Variants in MYCBP2 observed in about 807,000 individuals in gnomAD.
MYCBP2 encodes the protein MYC binding protein 2.
MYCBP2 carries 120 observed loss-of-function variants against 525.3 expected under a neutral mutation model. The ratio of observed to expected loss-of-function variants is 0.23; its 90% CI spans 0.20 to 0.27. MYCBP2 has a LOEUF of 0.27. Ranked by LOEUF, MYCBP2 falls within the 10% of genes least tolerant of loss-of-function variation. The pLI is 1.00. For synonymous variants in MYCBP2, 1,894 were observed against 1,955.8 expected, an observed-to-expected ratio of 0.97 and a Z score of 0.83; for missense variants, 4,149 against 5,657.1, an observed-to-expected ratio of 0.73 and a Z score of 8.55.
chr13:77,109,257 G>A (rs2039872), intron 55 of MYCBP2, among the ~76,000 whole-genome samples: 14,102 of 152,108 alleles, frequency 0.093, 830 homozygotes, highest in African/African-American at 0.16. Context: ...TCTCAAGATG[G>A]AACTGCTCCA....
chr13:77,254,113 G>A (rs1321374294), intron 14 of MYCBP2, among the ~76,000 whole-genome samples: 2 of 150,076 alleles, frequency 1.3e-5, no homozygotes, highest in South Asian at 2.1e-4. Flanking sequence ...AGAATGATGA[G>A]AAAAAAAAAT....
At chr13:77,102,141 T>C (rs1163697419) in intron 55 of MYCBP2, among the ~76,000 whole-genome samples, 1 of 151,858 alleles carries the variant, frequency 6.6e-6, no homozygotes, top group African/African-American at 2.4e-5. Context: ...CATTTTTTCA[T>C]GCCCAAATCT....
At chr13:77,148,219 G>A (rs115217924) in intron 47 of MYCBP2, among the ~76,000 whole-genome samples, 245 of 151,742 alleles carry the variant, frequency 1.6e-3, no homozygotes, top group African/African-American at 5.6e-3. Flanking sequence ...TATTTATTTC[G>A]GATATAGAAT....
At chr13:77,269,909 A>T in intron 7 of MYCBP2, 83 bp downstream of exon 7, 1 of 988,916 alleles carries the variant, frequency 1.0e-6, no homozygotes, top group South Asian at 1.4e-5. Flanking sequence ...GTTTAAATAG[A>T]AGTGATATTA....
In MYCBP2 at chr13:77,210,482, G is replaced by A. The variant is rs140361083; in HGVS notation, c.3416+685C>T. 2.2e-4 allele frequency among the ~76,000 whole-genome samples: 34 copies of A among 152,138 alleles called. 1 individual carries two copies. The highest frequency in any genetic ancestry group is 3.4e-3 in the Middle Eastern group (1 of 294). On this transcript the variant is annotated intron_variant, in intron 23 of 82. Coordinates refer to ENST00000544440, the MANE Select transcript of MYCBP2 (RefSeq NM_015057.5). ...GCTGGGATTACAGGCGTGAGCCACC[G>A]CACCCGGCCCAGCACCACAATAAAT...
At chr13:77,180,510 G>T (rs769799723) in intron 33 of MYCBP2, among the ~76,000 whole-genome samples, 192 bp from the exon 34 acceptor site, 1 of 152,160 alleles carries the variant, frequency 6.6e-6, no homozygotes, top group Non-Finnish European at 1.5e-5. Context: ...CTGTCTCTGC[G>T]TATCAAAGTA....
intron 55 of MYCBP2, among the ~76,000 whole-genome samples, chr13:77,111,370 C>CAA (rs1225670110): frequency 1.3e-5 from 2 of 151,090 alleles, no homozygotes; most frequent in Non-Finnish European, 2.9e-5. Context: ...TATTACCTTT[C>CAA]AAAACAGAGC....
At position 77,297,148 on chromosome 13, in the gene MYCBP2, T is replaced by G. The variant is rs1044095653; in HGVS notation, c.303-474A>C. ...GTCTCCAGCAGCCAGTCTGGATACT[T>G]CATTATCACATAGTCCTAAGACCAA... On this transcript the variant is annotated intron_variant, in intron 1 of 82. Coordinates refer to ENST00000544440, the MANE Select transcript of MYCBP2 (RefSeq NM_015057.5). Among the ~76,000 whole-genome samples the G allele has an allele frequency of 3.7e-4, 57 of 152,210 alleles. 3 individuals carry two copies. The highest frequency in any genetic ancestry group is 1.5e-4 in the Non-Finnish European group (10 of 68,024).
chr13:77,219,693 T>A (rs1373825947), intron 20 of MYCBP2, among the ~76,000 whole-genome samples: 1 of 152,024 alleles, frequency 6.6e-6, no homozygotes, highest in Non-Finnish European at 1.5e-5. Flanking sequence ...GCTGAATAAT[T>A]TCTTACATCT....
intron 29 of MYCBP2, among the ~76,000 whole-genome samples, chr13:77,189,251 C>T (rs531586439): frequency 6.6e-6 from 1 of 152,060 alleles, no homozygotes; most frequent in South Asian, 2.1e-4. Flanking sequence ...TTAAATCCTA[C>T]CTTCGCAAGA....
chr13:77,183,548 T>TC (rs2060431256), intron 32 of MYCBP2, among the ~76,000 whole-genome samples: 1 of 110,830 alleles, frequency 9.0e-6, no homozygotes, highest in South Asian at 3.2e-4. Flanking sequence ...TTTCTTTTTT[T>TC]TTTTTTTTTT....
chr13:77,174,199 G>A, intron 37 of MYCBP2, 112 bp downstream of exon 37: 2 of 854,832 alleles, frequency 2.3e-6, no homozygotes, highest in East Asian at 5.1e-5. Context: ...GTGCTAAGAA[G>A]ATACACTGTA....
chr13:77,187,578 A>T (rs181126101), intron 30 of MYCBP2, among the ~76,000 whole-genome samples: 18 of 152,352 alleles, frequency 1.2e-4, no homozygotes, highest in Middle Eastern at 3.4e-3. Context: ...GAATAATGGT[A>T]CGCAAACGGA....
intron 66 of MYCBP2, chr13:77,077,831 T>C (rs1168961544): frequency 6.5e-6 from 1 of 153,866 alleles, no homozygotes; most frequent in African/African-American, 2.4e-5. Flanking sequence ...GACTTTAAAG[T>C]GCAGTTACTT....
At chr13:77,270,258 ACT>A in intron 6 of MYCBP2, 36 bp downstream of exon 6, 1 of 1,574,764 alleles carries the variant, frequency 6.4e-7, no homozygotes, top group Non-Finnish European at 8.6e-7. Context: ...TATGGTTATA[ACT>A]CTGTATAATT....
At chr13:77,148,117 C>T (rs1339980601) in intron 47 of MYCBP2, among the ~76,000 whole-genome samples, 1 of 150,810 alleles carries the variant, frequency 6.6e-6, no homozygotes, top group East Asian at 1.9e-4. Context: ...AATTTTTAGC[C>T]TTGCTTTTTT....
chr13:77,200,677 G>C (rs1157856037), intron 26 of MYCBP2, among the ~76,000 whole-genome samples: 1 of 152,188 alleles, frequency 6.6e-6, no homozygotes, highest in Non-Finnish European at 1.5e-5. Context: ...AAGCCCATCA[G>C]ACTAACAGCG....
chr13:77,224,592 A>G, intron 19 of MYCBP2, 60 bp from the exon 20 acceptor site: 1 of 1,035,366 alleles, frequency 9.7e-7, no homozygotes, highest in Non-Finnish European at 1.5e-6. Flanking sequence ...TTCTATCACA[A>G]CTATACTAAA....
chr13:77,238,093 A>G (rs1041037011), intron 17 of MYCBP2, among the ~76,000 whole-genome samples: 2 of 152,042 alleles, frequency 1.3e-5, no homozygotes, highest in Non-Finnish European at 2.9e-5. Flanking sequence ...AATACAAAAA[A>G]TTAGCCCGGT....
Sources: gnomAD v4.1 joint callset for allele counts (sites outside exome capture counted in the v4.1 genomes callset) on GRCh38, gnomAD v4.1.1 for gene constraint, MANE v1.5 for transcripts, NCBI Gene and HGNC (gene_info 2026-07-23, HGNC 2026-07-21) for gene names.